The following INPP5B variants were observed in gnomAD, a reference collection of about 807,000 sequenced individuals.
INPP5B encodes the protein inositol polyphosphate-5-phosphatase B, also known as type II inositol 1,4,5-trisphosphate 5-phosphatase.
A neutral mutation model predicts 118.5 loss-of-function variants in INPP5B; 90 were observed. That is an observed-to-expected ratio of 0.76 (90% CI 0.64 to 0.90). The LOEUF (loss-of-function observed/expected upper bound fraction) is 0.90, where lower values mean the gene tolerates loss of function less well. Ranked by LOEUF, INPP5B falls within the 40% of genes least tolerant of loss-of-function variation. INPP5B has a pLI of 0.00. For missense variants in INPP5B, 984 were observed against 1,125.6 expected, an observed-to-expected ratio of 0.87 and a Z score of 1.80; for synonymous variants, 385 against 418.9, an observed-to-expected ratio of 0.92 and a Z score of 0.99.
intron 7 of INPP5B, among the ~76,000 whole-genome samples, chr1:37,923,316 T>G (rs747642684): frequency 3.9e-5 from 6 of 152,144 alleles, no homozygotes; most frequent in Non-Finnish European, 8.8e-5. Flanking sequence ...CCAGAAATAA[T>G]AAGCAGTCAA....
chr1:37,929,321 T>C (rs1645359220), intron 7 of INPP5B: 1 of 152,148 alleles, frequency 6.6e-6, no homozygotes, highest in Non-Finnish European at 1.5e-5. Flanking sequence ...GGTTTCGCCA[T>C]GTTGGCCAGG....
At chr1:37,931,710 C>T in intron 7 of INPP5B, 2 of 1,548,928 alleles carry the variant, frequency 1.3e-6, no homozygotes, top group Non-Finnish European at 1.7e-6. Flanking sequence ...CGGCGGCAGA[C>T]ATTTCCCTGC....
intron 7 of INPP5B, among the ~76,000 whole-genome samples, chr1:37,922,382 C>T (rs961956510): frequency 2.0e-4 from 30 of 151,634 alleles, no homozygotes; most frequent in East Asian, 1.2e-3. Context: ...GAGTGAACTC[C>T]GTCTCAAAAA....
intron 7 of INPP5B, among the ~76,000 whole-genome samples, chr1:37,893,726 T>G (rs1643915929): frequency 6.6e-6 from 1 of 152,292 alleles, no homozygotes; most frequent in Non-Finnish European, 1.5e-5. Flanking sequence ...AATCCATACA[T>G]ACAATTGCCA....
intron 7 of INPP5B, among the ~76,000 whole-genome samples, chr1:37,903,590 G>A (rs960374036): frequency 6.6e-6 from 1 of 152,218 alleles, no homozygotes; most frequent in Admixed American, 6.5e-5. Flanking sequence ...AGCCGGGCAT[G>A]GTGGCGGGTG....
intron 7 of INPP5B, among the ~76,000 whole-genome samples, chr1:37,910,001 G>A (rs985646356): frequency 6.6e-6 from 1 of 152,158 alleles, no homozygotes; most frequent in African/African-American, 2.4e-5. Flanking sequence ...TCCCATCTGT[G>A]CAGGACCCCA....
chr1:37,889,474 C>T, intron 9 of INPP5B, 83 bp downstream of exon 9: 1 of 1,024,496 alleles, frequency 9.8e-7, no homozygotes, highest in South Asian at 1.6e-5. Flanking sequence ...GTCTCCAAAT[C>T]CAGGTATAGG....
rs988972389 is a variant in INPP5B, at chr1:37,862,056, A to G, written c.*259T>C. 23 of 378,554 alleles carry G rather than the reference A, an allele frequency of 6.1e-5. 2 individuals are homozygous for G. The South Asian group carries it at 1.2e-3, about 19-fold the overall frequency. 23.4% of individuals were successfully genotyped at this position (378,554 alleles called of 1,614,324 possible). A position where few individuals can be genotyped will look rare whatever the true frequency, so the allele number is the denominator to read the frequency against. On this transcript the variant is annotated 3_prime_UTR_variant, in exon 24 of 24. Transcript: ENST00000373024. ...GTCTCAAAATAAAAAAAAATAAAAA[A>G]TAAAAAAATCTGTGTTAAATAACTA...
intron 7 of INPP5B, among the ~76,000 whole-genome samples, chr1:37,896,921 G>GCC (rs1644122934): frequency 7.9e-6 from 1 of 126,154 alleles, no homozygotes; most frequent in Admixed American, 7.9e-5. Context: ...CTGCCCAGCC[G>GCC]CCCCTACTGG....
intron 6 of INPP5B, among the ~76,000 whole-genome samples, chr1:37,935,639 C>T (rs1645657455): frequency 6.6e-6 from 1 of 152,168 alleles, no homozygotes; most frequent in South Asian, 2.1e-4. Flanking sequence ...CTCCCAGGTC[C>T]CAGCCTCATT....
chr1:37,887,015 G>C lies in INPP5B; in HGVS notation c.1015-11C>G, dbSNP rs1021569296. 2.5e-6 allele frequency: 4 copies of C among 1,606,794 alleles called. No individual in the cohort carries two copies. Among genetic ancestry groups the C allele is most frequent in the African/African-American group, 1.3e-5 (1 of 74,740 alleles). On this transcript the variant is annotated splice_polypyrimidine_tract_variant and intron_variant, in intron 11 of 23. Transcript: ENST00000373024. ...TCGGATAAGCTTCACCTGGAAAAGA[G>C]AGACATGGCATTAAATAGAAATTGC...
intron 7 of INPP5B, chr1:37,931,385 A>C: frequency 7.1e-7 from 1 of 1,404,692 alleles, no homozygotes; most frequent in East Asian, 2.7e-5. Context: ...AGAGAGGGGC[A>C]GCGAGTGGCC....
intron 7 of INPP5B, among the ~76,000 whole-genome samples, chr1:37,893,747 C>T (rs1643916438): frequency 6.6e-6 from 1 of 152,206 alleles, no homozygotes; most frequent in South Asian, 2.1e-4. Context: ...AGGCTCTTCC[C>T]AGTCTGGATC....
At chr1:37,896,266 C>T (rs1644055100) in intron 7 of INPP5B, among the ~76,000 whole-genome samples, 1 of 145,042 alleles carries the variant, frequency 6.9e-6, no homozygotes, top group African/African-American at 2.6e-5. Flanking sequence ...GTGAGGAGCC[C>T]CTCCGCCCGG....
At chr1:37,866,066 G>T in intron 21 of INPP5B, 178 bp from the exon 22 acceptor site, 1 of 584,840 alleles carries the variant, frequency 1.7e-6, no homozygotes, top group Non-Finnish European at 2.2e-6. Context: ...AGGCCCTCCT[G>T]AGTTCCTGCT....
intron 16 of INPP5B, among the ~76,000 whole-genome samples, chr1:37,877,502 T>A (rs1040129424): frequency 6.6e-6 from 1 of 152,256 alleles, no homozygotes; most frequent in Admixed American, 6.5e-5. Flanking sequence ...AATAAACTTA[T>A]ACATGGTTGG....
chr1:37,933,160 C>G (rs2148668165), intron 6 of INPP5B, among the ~76,000 whole-genome samples: 1 of 152,310 alleles, frequency 6.6e-6, no homozygotes, highest in African/African-American at 2.4e-5. Context: ...ATACTATTAA[C>G]CCATACTTGG....
intron 20 of INPP5B, among the ~76,000 whole-genome samples, chr1:37,867,103 A>C (rs1346044631): frequency 1.3e-5 from 2 of 152,172 alleles, no homozygotes; most frequent in African/African-American, 4.8e-5. Context: ...TTGGTGGTAC[A>C]TGCCTGTAAT....
intron 6 of INPP5B, among the ~76,000 whole-genome samples, chr1:37,939,385 T>G (rs1557728422): frequency 6.6e-6 from 1 of 150,900 alleles, no homozygotes; most frequent in Non-Finnish European, 1.5e-5. Flanking sequence ...ATAAAATAAA[T>G]AAACCTCTTA....
Sources: allele counts gnomAD v4.1 joint callset (sites outside exome capture counted in the v4.1 genomes callset), GRCh38; gene constraint gnomAD v4.1.1; transcripts MANE v1.5; gene names NCBI Gene and HGNC (gene_info 2026-07-23, HGNC 2026-07-21).